CSMD1: variants seen among roughly 807,000 people sequenced by gnomAD.
CSMD1 encodes the protein CUB and Sushi multiple domains 1, also known as CUB and sushi domain-containing protein 1.
In CSMD1, 213 loss-of-function variants were observed where a neutral mutation model predicts 417.5. The observed-to-expected ratio is 0.51, with a 90% CI of 0.46 to 0.57. The LOEUF (loss-of-function observed/expected upper bound fraction) is 0.57, where lower values mean the gene tolerates loss of function less well. Among genes scored for constraint, CSMD1 ranks in the 20% least tolerant of loss-of-function variants. The pLI is 0.00. For missense variants in CSMD1, 6,923 were observed against 4,529.7 expected, an observed-to-expected ratio of 1.53 and a Z score of -15.17; for synonymous variants, 2,862 against 1,736.8, an observed-to-expected ratio of 1.65 and a Z score of -16.11.
intron 3 of CSMD1, among the ~76,000 whole-genome samples, chr8:4,103,035 T>G (rs1801385988): frequency 6.6e-6 from 1 of 152,184 alleles, no homozygotes; most frequent in African/African-American, 2.4e-5. Flanking sequence ...GTGAGTTGAC[T>G]CAGCGGGTCA....
In CSMD1 at chr8:3,107,665, G is replaced by A. The variant is rs1480420978; in HGVS notation, c.6835+53C>T. 7.3e-6 allele frequency: 7 copies of A among 958,928 alleles called. No homozygotes were observed. In the African/African-American group the frequency reaches 1.2e-4, roughly 16 times the overall value. The allele number at this position is 958,928 out of a possible 1,614,324, so 59.4% of individuals were successfully genotyped here. On this transcript the variant is annotated intron_variant, in intron 45 of 69. Coordinates refer to ENST00000635120, the MANE Select transcript of CSMD1 (RefSeq NM_033225.6). ...GAGTAATGATTACAATGAGAAGTGG[G>A]TGTAAAAAAATGTCGTGCTGAATTC...
intron 5 of CSMD1, among the ~76,000 whole-genome samples, chr8:3,935,867 G>T (rs1273683336): frequency 1.3e-5 from 2 of 152,088 alleles, no homozygotes; most frequent in Non-Finnish European, 2.9e-5. Flanking sequence ...GAAATCATTG[G>T]CCTTAGTGAG....
At chr8:3,480,378 T>C (rs1447509704) in intron 11 of CSMD1, among the ~76,000 whole-genome samples, 8 of 151,136 alleles carry the variant, frequency 5.3e-5, no homozygotes, top group Admixed American at 5.3e-4. Flanking sequence ...AAATAAAAAA[T>C]TAAAAGGAAA....
intron 8 of CSMD1, among the ~76,000 whole-genome samples, chr8:3,607,033 G>T (rs908327536): frequency 1.3e-5 from 2 of 152,088 alleles, no homozygotes. Flanking sequence ...TTTTTAACTT[G>T]TGAGTTTTTT....
chr8:3,381,192 A>G (rs1032476740), intron 18 of CSMD1, among the ~76,000 whole-genome samples: 9 of 152,088 alleles, frequency 5.9e-5, no homozygotes, highest in Non-Finnish European at 1.0e-4. Context: ...CAATCTTTAC[A>G]GGTATGACTA....
intron 5 of CSMD1, among the ~76,000 whole-genome samples, chr8:3,769,338 A>T (rs759262987): frequency 6.6e-6 from 1 of 152,000 alleles, no homozygotes; most frequent in African/African-American, 2.4e-5. Context: ...AATATGTTAA[A>T]AGAAAGTTGT....
In CSMD1 at chr8:2,950,356, C is replaced by A. The variant is rs767339734; in HGVS notation, c.10202-13G>T. ...TTCTTGTAAATGCCTGTGAAAAGAT[C>A]AGCAGTTTAGGCTTACCTTGGAGAA... On this transcript the variant is annotated splice_polypyrimidine_tract_variant and intron_variant, in intron 66 of 69. Coordinates refer to ENST00000635120, the MANE Select transcript of CSMD1 (RefSeq NM_033225.6). 8.4e-6 allele frequency: 13 copies of A among 1,545,556 alleles called. No individual in the cohort carries two copies. The highest frequency in any genetic ancestry group is 1.7e-4 in the Middle Eastern group (1 of 5,944).
At chr8:3,887,914 A>T (rs559352782) in intron 5 of CSMD1, among the ~76,000 whole-genome samples, 3 of 152,184 alleles carry the variant, frequency 2.0e-5, no homozygotes, top group Non-Finnish European at 2.9e-5. Context: ...GTTGACATCA[A>T]TTACAATCAG....
chr8:3,257,169 A>C (rs73185586), intron 26 of CSMD1, among the ~76,000 whole-genome samples: 15,935 of 152,096 alleles, frequency 0.1, 896 homozygotes, highest in Admixed American at 0.14. Context: ...TAAAAACACA[A>C]AAATTTGCTG....
chr8:4,508,914 C>T (rs1802676489), intron 2 of CSMD1, among the ~76,000 whole-genome samples: 1 of 151,938 alleles, frequency 6.6e-6, no homozygotes. Flanking sequence ...TAGGATGGTG[C>T]ACAGGGGCAT....
At chr8:3,466,698 T>G (rs777208396) in intron 12 of CSMD1, among the ~76,000 whole-genome samples, 1 of 151,600 alleles carries the variant, frequency 6.6e-6, no homozygotes, top group Non-Finnish European at 1.5e-5. Context: ...CAAAGCACTA[T>G]GATTAAAGGT....
At chr8:3,672,054 T>A (rs1254849777) in intron 7 of CSMD1, among the ~76,000 whole-genome samples, 2 of 152,126 alleles carry the variant, frequency 1.3e-5, no homozygotes, top group Admixed American at 1.3e-4. Context: ...ATTAACAAAG[T>A]CAACATCTTA....
chr8:4,964,839 A>G (rs1227404183), intron 1 of CSMD1, among the ~76,000 whole-genome samples: 4 of 152,128 alleles, frequency 2.6e-5, no homozygotes, highest in Non-Finnish European at 4.4e-5. Context: ...GGACTTTAAT[A>G]CCAGTCGTGT....
chr8:4,988,075 C>T (rs1428586259), intron 1 of CSMD1, among the ~76,000 whole-genome samples: 1 of 152,096 alleles, frequency 6.6e-6, no homozygotes, highest in Non-Finnish European at 1.5e-5. Context: ...TTTGTTCTGT[C>T]CCTCTAGAGA....
chr8:4,570,790 T>C (rs761070701), intron 2 of CSMD1, among the ~76,000 whole-genome samples: 4 of 152,178 alleles, frequency 2.6e-5, no homozygotes, highest in Admixed American at 6.5e-5. Context: ...TATTGTTTGG[T>C]AGGCTATTAA....
intron 6 of CSMD1, among the ~76,000 whole-genome samples, chr8:3,721,955 C>T (rs1802201044): frequency 6.6e-6 from 1 of 152,134 alleles, no homozygotes; most frequent in Non-Finnish European, 1.5e-5. Flanking sequence ...CAAGGCCGTC[C>T]TCATCCCTCA....
At chr8:4,018,026 T>G (rs191232362) in intron 4 of CSMD1, among the ~76,000 whole-genome samples, 1 of 152,246 alleles carries the variant, frequency 6.6e-6, no homozygotes, top group East Asian at 1.9e-4. Flanking sequence ...CACTCGTAAC[T>G]GTCATACCCA....
chr8:3,425,204 G>A (rs1373770721), intron 12 of CSMD1, among the ~76,000 whole-genome samples: 1 of 152,190 alleles, frequency 6.6e-6, no homozygotes, highest in East Asian at 1.9e-4. Flanking sequence ...TACGCATAGA[G>A]AAAGCATAAT....
intron 50 of CSMD1, among the ~76,000 whole-genome samples, chr8:3,034,502 T>C (rs1187399009): frequency 1.3e-5 from 2 of 152,164 alleles, no homozygotes; most frequent in East Asian, 3.9e-4. Flanking sequence ...TACAAATATA[T>C]ATGTATACAA....
Sources: gnomAD v4.1 joint callset for allele counts (sites outside exome capture counted in the v4.1 genomes callset) on GRCh38, gnomAD v4.1.1 for gene constraint, MANE v1.5 for transcripts, NCBI Gene and HGNC (gene_info 2026-07-23, HGNC 2026-07-21) for gene names.